The following MAGI2 variants were observed in gnomAD, a reference collection of about 807,000 sequenced individuals.
The protein encoded by MAGI2 is membrane associated guanylate kinase, WW and PDZ domain containing 2, also known as membrane-associated guanylate kinase, WW and PDZ domain-containing protein 2.
In MAGI2, 35 loss-of-function variants were observed where a neutral mutation model predicts 133.3. The ratio of observed to expected loss-of-function variants is 0.26; its 90% CI spans 0.20 to 0.35. The LOEUF is 0.35. MAGI2 is among the 10% of genes least tolerant of loss of function. The pLI is 1.00. For missense variants in MAGI2, 1,636 were observed against 1,863.4 expected (o/e 0.88, Z 2.25); for synonymous variants, 729 against 710.6 (o/e 1.03, Z -0.41).
At chr7:78,022,307 GACC>G (rs776682944) in intron 21 of MAGI2, among the ~76,000 whole-genome samples, 1 of 152,192 alleles carries the variant, frequency 6.6e-6, no homozygotes, top group East Asian at 1.9e-4. Flanking sequence ...CTCTGACTTG[GACC>G]ATGGTAATGA....
intron 3 of MAGI2, among the ~76,000 whole-genome samples, chr7:78,573,076 T>TATATAC (rs1230373322): frequency 3.2e-4 from 17 of 52,570 alleles, no homozygotes; most frequent in African/African-American, 7.5e-4. Context: ...TATATATATA[T>TATATAC]ACACACACAC....
intron 2 of MAGI2, among the ~76,000 whole-genome samples, chr7:78,760,440 T>C (rs1824392083): frequency 6.6e-6 from 1 of 151,044 alleles, no homozygotes; most frequent in African/African-American, 2.4e-5. Context: ...CCAGCTCACT[T>C]GAACCTCCAC....
chr7:78,684,109 T>G (rs890732107), intron 2 of MAGI2, among the ~76,000 whole-genome samples: 1 of 152,112 alleles, frequency 6.6e-6, no homozygotes, highest in Admixed American at 6.6e-5. Flanking sequence ...AGTATGTATA[T>G]AATAAGGATC....
intron 20 of MAGI2, among the ~76,000 whole-genome samples, chr7:78,108,604 C>T (rs578170837): frequency 1.1e-4 from 17 of 150,750 alleles, no homozygotes; most frequent in East Asian, 4.0e-4. Context: ...ATATTGGGGT[C>T]GGTCTCTCTC....
intron 2 of MAGI2, among the ~76,000 whole-genome samples, chr7:78,945,773 A>G (rs888861095): frequency 1.3e-4 from 20 of 152,166 alleles, no homozygotes; most frequent in African/African-American, 4.8e-4. Flanking sequence ...ATCTTTGCAC[A>G]TACTGTGTGC....
At chr7:79,289,099 G>A (rs1396564794) in intron 1 of MAGI2, among the ~76,000 whole-genome samples, 3 of 152,102 alleles carry the variant, frequency 2.0e-5, no homozygotes, top group Admixed American at 1.3e-4. Flanking sequence ...CCAAACCCAC[G>A]TGCTTATGCA....
intron 11 of MAGI2, among the ~76,000 whole-genome samples, chr7:78,196,352 C>A (rs768111162): frequency 3.9e-5 from 6 of 152,080 alleles, no homozygotes; most frequent in African/African-American, 7.2e-5. Flanking sequence ...AACAGGGCTG[C>A]GTCTTTCTAC....
intron 3 of MAGI2, among the ~76,000 whole-genome samples, chr7:78,547,421 G>A (rs891225463): frequency 7.2e-5 from 11 of 152,210 alleles, no homozygotes; most frequent in African/African-American, 1.7e-4. Context: ...GAGTGCTTTC[G>A]CACCTCATAG....
At chr7:78,086,779 C>T (rs189054835) in intron 20 of MAGI2, among the ~76,000 whole-genome samples, 30 of 151,896 alleles carry the variant, frequency 2.0e-4, no homozygotes, top group African/African-American at 6.5e-4. Context: ...GGACCACAGG[C>T]GTGCACTACT....
intron 1 of MAGI2, among the ~76,000 whole-genome samples, chr7:79,236,817 T>A (rs964897676): frequency 6.6e-6 from 1 of 152,230 alleles, no homozygotes; most frequent in East Asian, 1.9e-4. Flanking sequence ...ACCATATGTG[T>A]AAAGTGCACT....
rs896538849 is a variant in MAGI2 at position 78,906,224 on chromosome 7, C to G, written c.418+100866G>C. The stretch of plus-strand genomic sequence containing the variant: ...TCTCCACTATAATCGTGGGAACACC[C>G]ACACCACCATGTCCTTTGTGGTGGG... On this transcript the variant is annotated intron_variant, in intron 2 of 21. Coordinates refer to ENST00000354212, the MANE Select transcript of MAGI2 (RefSeq NM_012301.4). 2.6e-5 allele frequency among the ~76,000 whole-genome samples: 4 copies of G among 152,186 alleles called. No individual in the cohort carries two copies. In the South Asian group the frequency reaches 8.3e-4, roughly 31 times the overall value.
At chr7:78,552,523 T>C (rs891150023) in intron 3 of MAGI2, among the ~76,000 whole-genome samples, 1 of 152,194 alleles carries the variant, frequency 6.6e-6, no homozygotes, top group East Asian at 1.9e-4. Context: ...TGAAAACGTG[T>C]AGCCGGCATG....
intron 2 of MAGI2, among the ~76,000 whole-genome samples, chr7:78,875,113 C>A (rs150024702): frequency 3.9e-5 from 6 of 152,290 alleles, no homozygotes; most frequent in African/African-American, 1.2e-4. Context: ...AGTATGAACT[C>A]TGTCCATATC....
chr7:78,295,367 G>A (rs751819234), intron 9 of MAGI2, among the ~76,000 whole-genome samples: 3 of 152,068 alleles, frequency 2.0e-5, no homozygotes, highest in Middle Eastern at 6.3e-3. Context: ...TTTTCTCTTA[G>A]ACTAACAGGA....
At chr7:78,392,973 A>G (rs906923993) in intron 6 of MAGI2, among the ~76,000 whole-genome samples, 32 of 152,148 alleles carry the variant, frequency 2.1e-4, no homozygotes, top group African/African-American at 7.0e-4. Flanking sequence ...TATTCTTAAT[A>G]TTTACATCAT....
intron 3 of MAGI2, among the ~76,000 whole-genome samples, chr7:78,573,284 T>TATTTATATATATATATATATTTA (rs1563188890): frequency 1.5e-4 from 4 of 26,864 alleles, no homozygotes; most frequent in Admixed American, 1.4e-3. Flanking sequence ...ATATATATAT[T>TATTTATATATATATATATATTTA]TATATAAATA....
intron 2 of MAGI2, among the ~76,000 whole-genome samples, chr7:78,651,629 G>A (rs1237654906): frequency 6.6e-6 from 1 of 151,938 alleles, no homozygotes; most frequent in Non-Finnish European, 1.5e-5. Flanking sequence ...TATCCTAAAA[G>A]CAGAATAGAT....
chr7:78,423,806 G>C (rs1286231903), intron 6 of MAGI2, among the ~76,000 whole-genome samples: 1 of 152,118 alleles, frequency 6.6e-6, no homozygotes, highest in Non-Finnish European at 1.5e-5. Context: ...AGTTGAGAGA[G>C]ATGATTTAGG....
chr7:78,085,421 G>C (rs899903225), intron 20 of MAGI2, among the ~76,000 whole-genome samples: 6 of 151,908 alleles, frequency 3.9e-5, no homozygotes, highest in African/African-American at 1.2e-4. Context: ...TACTCAGGAG[G>C]CTGAGGTGGG....
Sources: gnomAD v4.1 joint callset for allele counts (sites outside exome capture counted in the v4.1 genomes callset) on GRCh38, gnomAD v4.1.1 for gene constraint, MANE v1.5 for transcripts, NCBI Gene and HGNC (gene_info 2026-07-23, HGNC 2026-07-21) for gene names.